Variants in COMMD10 observed in about 807,000 individuals in gnomAD.
The protein encoded by COMMD10 is COMM domain-containing protein 10.
In COMMD10, 33 loss-of-function variants were observed where a neutral mutation model predicts 28.9. The ratio of observed to expected loss-of-function variants is 1.14; its 90% CI spans 0.87 to 1.53. The LOEUF (loss-of-function observed/expected upper bound fraction) is 1.53, where lower values mean the gene tolerates loss of function less well. Among genes scored for constraint, COMMD10 ranks in the 40% most tolerant of loss-of-function variants. The pLI, the probability that COMMD10 is intolerant of heterozygous loss-of-function variation, is 0.00. For synonymous variants in COMMD10, 110 were observed against 81.7 expected, an observed-to-expected ratio of 1.35 and a Z score of -1.87; for missense variants, 310 against 233.4, an observed-to-expected ratio of 1.33 and a Z score of -2.14.
intron 4 of COMMD10, among the ~76,000 whole-genome samples, chr5:116,119,594 C>T (rs1346544392): frequency 1.3e-5 from 2 of 152,042 alleles, no homozygotes; most frequent in Non-Finnish European, 2.9e-5. Context: ...GATACCCTGG[C>T]CCTGGCATCT....
intron 5 of COMMD10, among the ~76,000 whole-genome samples, chr5:116,225,594 A>G (rs956490597): frequency 1.3e-5 from 2 of 151,988 alleles, no homozygotes; most frequent in African/African-American, 4.8e-5. Flanking sequence ...TTGTATATGC[A>G]CAGTGTGGTA....
rs887865762 is a variant in COMMD10 at position 116,227,933 on chromosome 5, C to G, written c.511-63584C>G. 3.9e-5 allele frequency among the ~76,000 whole-genome samples: 6 copies of G among 152,012 alleles called. No homozygotes were observed. The East Asian group carries it at 1.2e-3, about 29-fold the overall frequency. On this transcript the variant is annotated intron_variant, in intron 5 of 6. Transcript: ENST00000274458. ...TAATTTTTTCACCTGGTAATTTTAG[C>G]CAAACTAGGTCATGTTATAAATGTC...
At chr5:116,278,975 A>G (rs1188555390) in intron 5 of COMMD10, among the ~76,000 whole-genome samples, 1 of 151,860 alleles carries the variant, frequency 6.6e-6, no homozygotes, top group Non-Finnish European at 1.5e-5. Flanking sequence ...TATTTTCCAT[A>G]TCCAATATTT....
At chr5:116,164,860 G>T (rs1026273012) in intron 5 of COMMD10, among the ~76,000 whole-genome samples, 11 of 152,122 alleles carry the variant, frequency 7.2e-5, no homozygotes, top group African/African-American at 2.7e-4. Context: ...GCTATAATGT[G>T]CCCTTGGCAA....
At chr5:116,147,126 T>A (rs1221090145) in intron 5 of COMMD10, among the ~76,000 whole-genome samples, 1 of 151,840 alleles carries the variant, frequency 6.6e-6, no homozygotes, top group East Asian at 1.9e-4. Context: ...CACCATCGGT[T>A]CTGTGTTTTT....
Position 116,292,485 on chromosome 5 carries a change from C to T in COMMD10, c.605C>T (p.Thr202Ile). The stretch of plus-strand genomic sequence containing the variant: ...ATACAAGCACAGCTGGATTCCCTTA[C>T]ATGATGTTTTCGAAGACTGTTTTTT... The part of the protein sequence containing the change: ...ETIQAQLDSL[T>I] The change falls in exon 7 of 7, where the codon ACA becomes ATA. Residue 202 changes from threonine (T) to isoleucine (I), a missense_variant. Coordinates refer to ENST00000274458, the MANE Select transcript of COMMD10 (RefSeq NM_016144.4). The T allele has an allele frequency of 9.5e-6, 15 of 1,575,494 alleles. No individual in the cohort carries two copies. Among genetic ancestry groups the T allele is most frequent in the Non-Finnish European group, 1.3e-5 (15 of 1,159,984 alleles).
intron 1 of COMMD10, chr5:116,085,302 T>G (rs1750055997): frequency 3.5e-6 from 2 of 574,190 alleles, no homozygotes; most frequent in Middle Eastern, 4.7e-4. Context: ...GGTCCACCTG[T>G]GGGGCTCACA....
At chr5:116,103,076 G>T (rs1750719304) in intron 4 of COMMD10, among the ~76,000 whole-genome samples, 1 of 152,060 alleles carries the variant, frequency 6.6e-6, no homozygotes, top group Non-Finnish European at 1.5e-5. Context: ...TCATTGATGG[G>T]CATTTGGGTT....
chr5:116,129,864 A>G (rs1044960529), intron 4 of COMMD10, among the ~76,000 whole-genome samples: 2 of 148,056 alleles, frequency 1.4e-5, no homozygotes, highest in Admixed American at 6.9e-5. Flanking sequence ...AGTATTATAT[A>G]GCTATTAAGT....
chr5:116,219,034 A>G (rs998887122), intron 5 of COMMD10, among the ~76,000 whole-genome samples: 2 of 152,156 alleles, frequency 1.3e-5, no homozygotes, highest in African/African-American at 4.8e-5. Flanking sequence ...TCTTTGTAAG[A>G]AAAAGACTAG....
intron 5 of COMMD10, among the ~76,000 whole-genome samples, chr5:116,178,835 A>C (rs145846453): frequency 2.6e-5 from 4 of 152,152 alleles, no homozygotes; most frequent in African/African-American, 4.8e-5. Context: ...GCAGATGGCC[A>C]CTAGAATGTA....
chr5:116,262,891 TA>T (rs1750486247), intron 5 of COMMD10, among the ~76,000 whole-genome samples: 2 of 151,774 alleles, frequency 1.3e-5, no homozygotes, highest in African/African-American at 4.9e-5. Flanking sequence ...TGTTCCTTTT[TA>T]AAAAACAGTA....
intron 5 of COMMD10, among the ~76,000 whole-genome samples, chr5:116,245,480 A>T (rs1402256344): frequency 6.6e-6 from 1 of 152,042 alleles, no homozygotes; most frequent in Non-Finnish European, 1.5e-5. Flanking sequence ...CTCCTCCCTA[A>T]CTCATCCTGT....
At chr5:116,121,755 G>A (rs868307165) in intron 4 of COMMD10, among the ~76,000 whole-genome samples, 3 of 152,296 alleles carry the variant, frequency 2.0e-5, no homozygotes, top group African/African-American at 7.2e-5. Context: ...TTTTTCATGT[G>A]TCTGTTGGCT....
chr5:116,202,572 G>A (rs1196412509), intron 5 of COMMD10, among the ~76,000 whole-genome samples: 1 of 151,850 alleles, frequency 6.6e-6, no homozygotes, highest in Non-Finnish European at 1.5e-5. Context: ...TTTAATGATT[G>A]CCATTCTAAG....
intron 2 of COMMD10, among the ~76,000 whole-genome samples, chr5:116,089,323 A>G (rs1750221902): frequency 6.6e-6 from 1 of 152,248 alleles, no homozygotes; most frequent in African/African-American, 2.4e-5. Context: ...ACAGCTAGCT[A>G]GTTGGGCAAC....
intron 4 of COMMD10, among the ~76,000 whole-genome samples, chr5:116,099,909 A>C (rs1015325567): frequency 5.9e-5 from 9 of 152,140 alleles, no homozygotes; most frequent in Non-Finnish European, 1.0e-4. Context: ...GCTTGGGACC[A>C]GAAGTGTTTT....
chr5:116,169,855 A>G (rs1283688408), intron 5 of COMMD10, among the ~76,000 whole-genome samples: 10 of 152,136 alleles, frequency 6.6e-5, no homozygotes, highest in Admixed American at 5.9e-4. Flanking sequence ...AATAAGAGCT[A>G]TTTATGACAT....
intron 4 of COMMD10, among the ~76,000 whole-genome samples, chr5:116,098,859 A>C (rs1750553582): frequency 6.6e-6 from 1 of 152,230 alleles, no homozygotes; most frequent in Non-Finnish European, 1.5e-5. Flanking sequence ...ATGCGTATTC[A>C]GGGTGTGCAA....
Sources: allele counts gnomAD v4.1 joint callset (sites outside exome capture counted in the v4.1 genomes callset), GRCh38; gene constraint gnomAD v4.1.1; transcripts MANE v1.5; gene names NCBI Gene and HGNC (gene_info 2026-07-23, HGNC 2026-07-21).